The following DENND4A variants were observed in gnomAD, a reference collection of about 807,000 sequenced individuals.
DENND4A encodes C-myc promoter-binding protein.
A neutral mutation model predicts 199.3 loss-of-function variants in DENND4A; 70 were observed. That is an observed-to-expected ratio of 0.35 (90% CI 0.29 to 0.43). DENND4A has a LOEUF of 0.43. Among genes scored for constraint, DENND4A ranks in the 20% least tolerant of loss-of-function variants. The probability of loss-of-function intolerance (pLI) is 1.00; values close to 1 mark genes in which losing one functional copy is unlikely to be tolerated. For synonymous variants in DENND4A, 686 were observed against 766.9 expected, an observed-to-expected ratio of 0.89 and a Z score of 1.74; for missense variants, 1,723 against 2,255.8, an observed-to-expected ratio of 0.76 and a Z score of 4.78.
chr15:65,707,296 T>C lies in DENND4A; in HGVS notation c.1954-1072A>G, dbSNP rs1244950535. Among the ~76,000 whole-genome samples, 11 of 152,150 alleles carry C rather than the reference T, an allele frequency of 7.2e-5. 1 individual carries two copies. The highest frequency in any genetic ancestry group is 3.2e-3 in the Middle Eastern group (1 of 316). ...TTAATAAAAAAGGATGTTATACATA[T>C]GACAAAACACATTTCACAGAACTTT... On this transcript the variant is annotated intron_variant, in intron 14 of 32. Coordinates refer to ENST00000443035, the MANE Select transcript of DENND4A (RefSeq NM_001320835.1).
Position 65,702,906 on chromosome 15 carries a change from A to G in DENND4A, c.2190T>C (p.Asn730=), listed in dbSNP as rs774531727. The G allele has an allele frequency of 1.9e-6, 3 of 1,613,356 alleles. No individual in the cohort carries two copies. Among genetic ancestry groups the G allele is most frequent in the Non-Finnish European group, 1.7e-6 (2 of 1,179,538 alleles). The change falls in exon 16 of 33, where the codon AAT becomes AAC. Residue 730 remains asparagine, a synonymous_variant. Coordinates refer to ENST00000443035, the MANE Select transcript of DENND4A (RefSeq NM_001320835.1). ...TTCTTCTGAACATGGGCAAAGGGCTATTAGGACTACTTGATTTTGAAGGCA... is the reference window on the plus strand; with the variant it reads ...TTCTTCTGAACATGGGCAAAGGGCTGTTAGGACTACTTGATTTTGAAGGCA... The part of the protein sequence containing the change: ...NKLPSKSSSP[N]SPLPMFRRTK...
Position 65,660,362 on chromosome 15 carries a change from ATTC to A in DENND4A, c.*1486_*1488del. 1 of 1,477,746 alleles carries A rather than the reference ATTC, an allele frequency of 6.8e-7. No homozygotes were observed. The allele number at this position is 1,477,746 out of a possible 1,614,324, so 91.5% of individuals were successfully genotyped here. On this transcript the variant is annotated 3_prime_UTR_variant, in exon 33 of 33. Coordinates refer to ENST00000443035, the MANE Select transcript of DENND4A (RefSeq NM_001320835.1). ...AGGTGGGTTTTCTGCAGCTGAACTG[ATTC>A]TAAGTCTCAGGACTCCAAGATACCT...
chr15:65,698,881 G>A (rs564207117), intron 20 of DENND4A, among the ~76,000 whole-genome samples: 21 of 151,836 alleles, frequency 1.4e-4, no homozygotes, highest in African/African-American at 5.1e-4. Flanking sequence ...GGGATTACAG[G>A]AATGTGCCAC....
intron 1 of DENND4A, among the ~76,000 whole-genome samples, chr15:65,782,325 T>C (rs747379700): frequency 7.2e-5 from 11 of 152,226 alleles, no homozygotes; most frequent in Non-Finnish European, 1.3e-4. Flanking sequence ...TCTGGCTCCT[T>C]CTTGCTTGTC....
intron 16 of DENND4A, 72 bp downstream of exon 16, chr15:65,702,801 A>G: frequency 1.4e-6 from 2 of 1,384,774 alleles, no homozygotes; most frequent in Non-Finnish European, 2.0e-6. Context: ...GATAAAGCAT[A>G]TTACGGGAGG....
chr15:65,690,587 C>G lies in DENND4A; in HGVS notation c.4007G>C (p.Arg1336Thr). 6.2e-7 allele frequency: 1 copy of G among 1,613,592 alleles called. No individual in the cohort carries two copies. Among genetic ancestry groups the G allele is most frequent in the Non-Finnish European group, 8.5e-7 (1 of 1,179,694 alleles). Residue 1336 changes from arginine (R) to threonine (T), a missense_variant, in exon 23 of 33, where the codon AGG (arginine) becomes ACG (threonine). Physicochemically the swap from Arg to Thr is moderately conservative, Grantham distance 71 (BLOSUM62 -1). This residue lies in a region of DENND4A where 650 missense variants were observed against 738.1 expected (regional missense o/e 0.88). Transcript: ENST00000443035. ...GGTTAATGTATCCTGAGATTCTTCC[C>G]TAAATGGGCAAGTAGGTGAGAAGGC... ...SPAFSPTCPF[R>T]EESQDTLTHS...
At chr15:65,729,821 C>T (rs1034986105) in intron 9 of DENND4A, 143 bp from the exon 10 acceptor site, 16 of 725,258 alleles carry the variant, frequency 2.2e-5, no homozygotes, top group Admixed American at 1.3e-4. Flanking sequence ...ATATATTCAC[C>T]GTTAAACATG....
intron 15 of DENND4A, among the ~76,000 whole-genome samples, chr15:65,705,648 A>G (rs1030719986): frequency 1.3e-5 from 2 of 152,328 alleles, no homozygotes. Flanking sequence ...TTAAAAAATT[A>G]TATCGTACAA....
chr15:65,683,800 T>C (rs1048762228), intron 23 of DENND4A, among the ~76,000 whole-genome samples: 10 of 152,220 alleles, frequency 6.6e-5, no homozygotes, highest in Non-Finnish European at 1.2e-4. Context: ...ATCTTTGTAG[T>C]AAATTTACCA....
rs541170473 is a variant in DENND4A at position 65,758,451 on chromosome 15, C to T, written c.-22-1979G>A. Among the ~76,000 whole-genome samples the T allele has an allele frequency of 2.8e-4, 43 of 152,034 alleles. No homozygotes were observed. The South Asian group carries it at 8.7e-3, about 31-fold the overall frequency. Reference sequence around the variant, plus strand: ...GCCTCAGCCTCCCATGCAGCTGGGACCACAGGTGTGCACCACCACGCCTGG... The same window carrying T: ...GCCTCAGCCTCCCATGCAGCTGGGATCACAGGTGTGCACCACCACGCCTGG... On this transcript the variant is annotated intron_variant, in intron 2 of 32. Coordinates refer to ENST00000443035, the MANE Select transcript of DENND4A (RefSeq NM_001320835.1).
chr15:65,737,972 A>C, intron 6 of DENND4A, 27 bp from the exon 7 acceptor site: 1 of 1,539,620 alleles, frequency 6.5e-7, no homozygotes, highest in Non-Finnish European at 8.8e-7. Flanking sequence ...ATATCCAGTA[A>C]ATATACTTTG....
intron 1 of DENND4A, among the ~76,000 whole-genome samples, chr15:65,770,391 G>A (rs1226236345): frequency 6.6e-6 from 1 of 152,080 alleles, no homozygotes; most frequent in Admixed American, 6.6e-5. Flanking sequence ...AATTGTAAAT[G>A]ACATAACTGC....
intron 9 of DENND4A, 55 bp downstream of exon 9, chr15:65,731,587 T>C: frequency 7.7e-7 from 1 of 1,295,226 alleles, no homozygotes; most frequent in Non-Finnish European, 1.1e-6. Context: ...AAATAAAATA[T>C]TTGAATGTTA....
chr15:65,767,105 T>C (rs1449372244), intron 1 of DENND4A, among the ~76,000 whole-genome samples: 1 of 152,240 alleles, frequency 6.6e-6, no homozygotes, highest in Non-Finnish European at 1.5e-5. Context: ...ATAGCAGTTA[T>C]AAACACATGG....
intron 4 of DENND4A, among the ~76,000 whole-genome samples, chr15:65,751,883 A>C (rs1205080857): frequency 6.6e-6 from 1 of 152,198 alleles, no homozygotes; most frequent in African/African-American, 2.4e-5. Flanking sequence ...TAGAACTTTT[A>C]CTGTAAAGGA....
chr15:65,749,089 G>GA (rs200152937), intron 4 of DENND4A, among the ~76,000 whole-genome samples: 64 of 150,214 alleles, frequency 4.3e-4, no homozygotes, highest in South Asian at 1.1e-3. Context: ...ACAAAATTAT[G>GA]AAAAAAAAAC....
At position 65,715,597 on chromosome 15, in the gene DENND4A, G is replaced by A; in HGVS notation, c.1834C>T (p.His612Tyr). 1 of 1,582,050 alleles carries A rather than the reference G, an allele frequency of 6.3e-7. No individual in the cohort carries two copies. Among genetic ancestry groups the A allele is most frequent in the South Asian group, 1.2e-5 (1 of 86,404 alleles). Residue 612 changes from histidine to tyrosine, a missense_variant, in exon 14 of 33, where the codon CAT (histidine) becomes TAT (tyrosine). Physicochemically the swap from His to Tyr is moderately conservative, Grantham distance 83 (BLOSUM62 2). Transcript: ENST00000443035. ...GTCATCATGTTATAGAATTTTTGAT[G>A]TGACCGGTCCCGGCTTCTTAAGAAA... ...QAFLRSRDRS[H>Y]QKFYNMMTKT...
chr15:65,721,807 T>C (rs927356527), intron 12 of DENND4A, among the ~76,000 whole-genome samples: 5 of 151,916 alleles, frequency 3.3e-5, no homozygotes, highest in African/African-American at 1.2e-4. Flanking sequence ...CTGTACTTTA[T>C]ATAATAAGTA....
Position 65,701,893 on chromosome 15 carries a change from G to C in DENND4A, c.2431-3C>G. The C allele has an allele frequency of 6.2e-7, 1 of 1,613,544 alleles. No individual in the cohort carries two copies. Reference sequence around the variant, plus strand: ...TGCATAAGAATGCGGTAGCATACCTGAAATACAAGTTCAAAATTGTACCGA... The same window carrying C: ...TGCATAAGAATGCGGTAGCATACCTCAAATACAAGTTCAAAATTGTACCGA... On this transcript the variant is annotated splice_polypyrimidine_tract_variant and splice_region_variant and intron_variant, in intron 17 of 32. Coordinates refer to ENST00000443035, the MANE Select transcript of DENND4A (RefSeq NM_001320835.1).
Sources: gnomAD v4.1 joint callset for allele counts (sites outside exome capture counted in the v4.1 genomes callset) on GRCh38, gnomAD v4.1.1 for gene constraint, gnomAD v4.1.1 regional missense constraint, MANE v1.5 for transcripts, NCBI Gene and HGNC (gene_info 2026-07-23, HGNC 2026-07-21) for gene names.